SLK: variants seen among roughly 807,000 people sequenced by gnomAD.
SLK encodes STE20-like serine/threonine-protein kinase.
SLK carries 67 observed loss-of-function variants against 147.7 expected under a neutral mutation model. That is an observed-to-expected ratio of 0.45 (90% CI 0.37 to 0.56). SLK has a LOEUF of 0.56. Among genes scored for constraint, SLK ranks in the 20% least tolerant of loss-of-function variants. The pLI is 0.00. For synonymous variants in SLK, 441 were observed against 475.0 expected, an observed-to-expected ratio of 0.93 and a Z score of 0.93; for missense variants, 1,136 against 1,438.8, an observed-to-expected ratio of 0.79 and a Z score of 3.41.
intron 6 of SLK, 56 bp downstream of exon 6, chr10:103,999,369 CT>C (rs1441027604): frequency 7.9e-7 from 1 of 1,270,464 alleles, no homozygotes; most frequent in African/African-American, 1.5e-5. Context: ...GGAAGCAGAA[CT>C]TGATGTTATA....
intron 8 of SLK, among the ~76,000 whole-genome samples, chr10:104,001,820 G>C (rs1048135113): frequency 6.6e-6 from 1 of 152,102 alleles, no homozygotes; most frequent in African/African-American, 2.4e-5. Context: ...GTGTCAGGTG[G>C]TTCTTGGGCC....
chr10:103,985,683 G>A lies in SLK; in HGVS notation c.151-4992G>A, dbSNP rs146023759. 8.1e-3 allele frequency among the ~76,000 whole-genome samples: 1,231 copies of A among 151,974 alleles called. 9 individuals carry two copies. Among genetic ancestry groups the A allele is most frequent in the Middle Eastern group, 0.02 (6 of 294 alleles). On this transcript the variant is annotated intron_variant, in intron 1 of 18. Coordinates refer to ENST00000369755, the MANE Select transcript of SLK (RefSeq NM_014720.4). ...GAAATCATCTCTGTTTTCTGTGCTG[G>A]TCTTTCAGTTTCCAGCTAAAAATTT...
At chr10:104,016,732 G>A (rs1844470430) in intron 13 of SLK, among the ~76,000 whole-genome samples, 1 of 151,992 alleles carries the variant, frequency 6.6e-6, no homozygotes, top group African/African-American at 2.4e-5. Context: ...GATTCAGGAT[G>A]GTAGCAAGCC....
intron 4 of SLK, among the ~76,000 whole-genome samples, chr10:103,995,860 A>G (rs1024424977): frequency 6.6e-6 from 1 of 152,238 alleles, no homozygotes; most frequent in African/African-American, 2.4e-5. Context: ...GGACAGAGCT[A>G]GAACCCTCAT....
intron 2 of SLK, 120 bp from the exon 3 acceptor site, chr10:103,992,478 A>G (rs1453228596): frequency 6.7e-6 from 6 of 893,808 alleles, no homozygotes; most frequent in East Asian, 2.8e-5. Flanking sequence ...TATCGTTTCC[A>G]TAACCAGATT....
At chr10:103,985,806 C>G (rs1401461728) in intron 1 of SLK, among the ~76,000 whole-genome samples, 3 of 152,156 alleles carry the variant, frequency 2.0e-5, no homozygotes, top group African/African-American at 7.2e-5. Flanking sequence ...TATTCCTGTA[C>G]TCACCACCCA....
rs76369842 is a variant in SLK at position 103,967,901 on chromosome 10, A to G, written c.150+6A>G. 9.1e-7 allele frequency: 1 copy of G among 1,097,312 alleles called. No homozygotes were observed. Among genetic ancestry groups the G allele is most frequent in the South Asian group, 1.6e-5 (1 of 64,000 alleles). The allele number at this position is 1,097,312 out of a possible 1,614,324, so 68.0% of individuals were successfully genotyped here. On this transcript the variant is annotated splice_donor_region_variant and intron_variant, in intron 1 of 18. Transcript: ENST00000369755. Reference sequence around the variant, plus strand: ...CCTTTGGGAAAGTGTACAAGGTAAGAGGGGGAAAACGGGAAGTTGTACTGC... The same window carrying G: ...CCTTTGGGAAAGTGTACAAGGTAAGGGGGGGAAAACGGGAAGTTGTACTGC...
intron 1 of SLK, 53 bp downstream of exon 1, chr10:103,967,948 C>T: frequency 6.3e-7 from 1 of 1,583,188 alleles, no homozygotes; most frequent in Non-Finnish European, 8.7e-7. Flanking sequence ...AGCCACTGGC[C>T]TGGAGTGGCG....
intron 4 of SLK, among the ~76,000 whole-genome samples, chr10:103,995,941 C>A (rs1672025967): frequency 6.6e-6 from 1 of 152,144 alleles, no homozygotes; most frequent in South Asian, 2.1e-4. Context: ...AATAAATGTG[C>A]ATCTCCTTTC....
chr10:104,021,840 T>C (rs200802550), intron 18 of SLK, 107 bp downstream of exon 18: 24 of 388,198 alleles, frequency 6.2e-5, no homozygotes, highest in African/African-American at 4.4e-4. Context: ...GCAGGAAACA[T>C]AGAGATGAAA....
At chr10:104,002,047 G>T in intron 8 of SLK, 125 bp from the exon 9 acceptor site, 1 of 770,688 alleles carries the variant, frequency 1.3e-6, no homozygotes, top group South Asian at 2.6e-5. Flanking sequence ...GAGAAGAATT[G>T]TTAATTCTTT....
intron 6 of SLK, among the ~76,000 whole-genome samples, chr10:103,999,587 A>G (rs750109103): frequency 6.6e-6 from 1 of 152,140 alleles, no homozygotes; most frequent in Non-Finnish European, 1.5e-5. Flanking sequence ...ATATAGATTG[A>G]TCTATATTTG....
intron 1 of SLK, among the ~76,000 whole-genome samples, chr10:103,976,489 T>C (rs1843872613): frequency 6.6e-6 from 1 of 152,194 alleles, no homozygotes; most frequent in Non-Finnish European, 1.5e-5. Flanking sequence ...TTTATTTACA[T>C]TTTCCTGATG....
At chr10:103,971,271 TGTTTG>T (rs1564648470) in intron 1 of SLK, among the ~76,000 whole-genome samples, 1 of 151,626 alleles carries the variant, frequency 6.6e-6, no homozygotes, top group Non-Finnish European at 1.5e-5. Context: ...GTTGTTGTTT[TGTTTG>T]TGTTTTGTTT....
At chr10:104,004,378 A>C (rs1844296644) in intron 9 of SLK, among the ~76,000 whole-genome samples, 1 of 152,238 alleles carries the variant, frequency 6.6e-6, no homozygotes, top group African/African-American at 2.4e-5. Context: ...TCACTGACTT[A>C]ATAGCCTCTT....
intron 4 of SLK, among the ~76,000 whole-genome samples, chr10:103,997,496 A>T (rs1431535323): frequency 6.6e-6 from 1 of 152,154 alleles, no homozygotes; most frequent in East Asian, 1.9e-4. Flanking sequence ...TTGAGGGACC[A>T]CCATGCTGTT....
intron 18 of SLK, among the ~76,000 whole-genome samples, chr10:104,022,452 C>T (rs975641125): frequency 1.3e-5 from 2 of 152,206 alleles, no homozygotes; most frequent in South Asian, 4.1e-4. Flanking sequence ...ATCTCTGACC[C>T]TTCGTTACTC....
chr10:103,970,591 G>C (rs563419411), intron 1 of SLK, among the ~76,000 whole-genome samples: 1 of 151,986 alleles, frequency 6.6e-6, no homozygotes, highest in Non-Finnish European at 1.5e-5. Flanking sequence ...AAACTTATCT[G>C]TCTTCTTATG....
chr10:103,988,347 G>A (rs570917857), intron 1 of SLK, among the ~76,000 whole-genome samples: 13 of 152,294 alleles, frequency 8.5e-5, no homozygotes, highest in Admixed American at 7.8e-4. Flanking sequence ...CATGTTTGAA[G>A]TGGTGTATTC....
Sources: gnomAD v4.1 joint callset for allele counts (sites outside exome capture counted in the v4.1 genomes callset) on GRCh38, gnomAD v4.1.1 for gene constraint, MANE v1.5 for transcripts, NCBI Gene and HGNC (gene_info 2026-07-23, HGNC 2026-07-21) for gene names.